Variants in DCAF1 observed in about 807,000 individuals in gnomAD.
The protein encoded by DCAF1 is DDB1- and CUL4-associated factor 1.
Under a neutral mutation model 128.0 loss-of-function variants are expected in DCAF1, and 15 were observed. That is an observed-to-expected ratio of 0.12 (90% CI 0.08 to 0.18). The LOEUF (loss-of-function observed/expected upper bound fraction) is 0.18. DCAF1 is among the 10% of genes least tolerant of loss of function. The pLI is 1.00. For synonymous variants in DCAF1, 610 were observed against 603.0 expected, an observed-to-expected ratio of 1.01 and a Z score of -0.17; for missense variants, 988 against 1,649.5, an observed-to-expected ratio of 0.60 and a Z score of 6.95.
chr3:51,421,113 C>G (rs1212926028), intron 14 of DCAF1, 116 bp from the exon 15 acceptor site: 2 of 1,264,932 alleles, frequency 1.6e-6, no homozygotes, highest in Middle Eastern at 2.1e-4. Flanking sequence ...AACTATATTA[C>G]TTTTGTAAAA....
At chr3:51,404,305 C>T (rs1256666837) in intron 23 of DCAF1, among the ~76,000 whole-genome samples, 1 of 152,200 alleles carries the variant, frequency 6.6e-6, no homozygotes. Flanking sequence ...GCAAAGGATT[C>T]TAATTGTTAC....
At chr3:51,501,308 A>G (rs1708796542), upstream of DCAF1, among the ~76,000 whole-genome samples, 1 of 152,184 alleles carries the variant, frequency 6.6e-6, no homozygotes, top group Non-Finnish European at 1.5e-5. Context: ...CGACTTGCCC[A>G]GCATCACACA....
At chr3:51,500,551 G>T (rs1239246578), upstream of DCAF1, among the ~76,000 whole-genome samples, 2 of 151,906 alleles carry the variant, frequency 1.3e-5, no homozygotes, top group African/African-American at 4.8e-5. Context: ...GTTTTGTTTT[G>T]TTTTTTTGAG....
intron 3 of DCAF1, 51 bp downstream of exon 3, chr3:51,483,668 G>A: frequency 8.7e-7 from 1 of 1,153,000 alleles, no homozygotes; most frequent in Non-Finnish European, 1.3e-6. Context: ...TAGCGTATGA[G>A]TTGTGTCCGA....
chr3:51,448,957 G>T (rs1019334747), intron 6 of DCAF1, among the ~76,000 whole-genome samples: 1 of 151,558 alleles, frequency 6.6e-6, no homozygotes, highest in African/African-American at 2.4e-5. Context: ...TAGGCCACAA[G>T]TCTTAATAAA....
chr3:51,453,177 G>C (rs782780524), intron 6 of DCAF1, among the ~76,000 whole-genome samples: 90 of 152,226 alleles, frequency 5.9e-4, no homozygotes, highest in East Asian at 5.8e-4. Context: ...GGAGATTTTA[G>C]TCTATAAATG....
chr3:51,448,787 A>T (rs1385129857), intron 6 of DCAF1, among the ~76,000 whole-genome samples: 7 of 152,224 alleles, frequency 4.6e-5, no homozygotes, highest in African/African-American at 1.7e-4. Context: ...AAGATCAATA[A>T]GGAAACAGAG....
chr3:51,456,579 A>C (rs555825423), intron 6 of DCAF1, among the ~76,000 whole-genome samples: 1 of 152,314 alleles, frequency 6.6e-6, no homozygotes, highest in East Asian at 1.9e-4. Context: ...TTCTCCCAGC[A>C]TGCAGCTTGA....
At chr3:51,425,520 T>C (rs534873011) in intron 13 of DCAF1, among the ~76,000 whole-genome samples, 208 of 150,656 alleles carry the variant, frequency 1.4e-3, no homozygotes, top group Non-Finnish European at 2.4e-3. Context: ...GTTTAAAAAA[T>C]GTATTTATAC....
Position 51,449,755 on chromosome 3 carries a change from C to T in DCAF1, c.376-5852G>A, listed in dbSNP as rs560606715. 1.3e-5 allele frequency among the ~76,000 whole-genome samples: 2 copies of T among 152,002 alleles called. 1 individual carries two copies. The highest frequency in any genetic ancestry group is 3.8e-4 in the East Asian group (2 of 5,196). On this transcript the variant is annotated intron_variant, in intron 6 of 24. Coordinates refer to ENST00000684031, the MANE Select transcript of DCAF1 (RefSeq NM_001387579.1). ...CAAAATTGACAAACTTTTGGCAAGA[C>T]AGGTCAAGAATAAAAGAGAGGACTC...
chr3:51,474,358 C>T (rs1176452051), intron 3 of DCAF1, among the ~76,000 whole-genome samples: 1 of 151,976 alleles, frequency 6.6e-6, no homozygotes, highest in Non-Finnish European at 1.5e-5. Flanking sequence ...AGGCGGAGGT[C>T]GCGGTGAGCC....
intron 6 of DCAF1, among the ~76,000 whole-genome samples, chr3:51,447,280 C>T (rs939062654): frequency 6.6e-6 from 1 of 151,732 alleles, no homozygotes; most frequent in East Asian, 2.0e-4. Context: ...TACAGAGGCG[C>T]GTGCTTGTAG....
At chr3:51,473,423 G>C (rs1553649152) in intron 3 of DCAF1, among the ~76,000 whole-genome samples, 1 of 109,576 alleles carries the variant, frequency 9.1e-6, no homozygotes, top group Admixed American at 1.2e-4. Context: ...ATACTTTCTA[G>C]TCTTTTTTTT....
chr3:51,459,430 A>G (rs1703294459), intron 6 of DCAF1, among the ~76,000 whole-genome samples: 1 of 152,182 alleles, frequency 6.6e-6, no homozygotes, highest in African/African-American at 2.4e-5. Context: ...TTACCAACCA[A>G]AAAAAGTCCA....
In DCAF1 at chr3:51,412,405, C is replaced by G. The variant is rs967125151; in HGVS notation, c.4186G>C (p.Glu1396Gln). The change falls in exon 23 of 25, where the codon GAG (glutamate) becomes CAG (glutamine). Residue 1396 changes from glutamate (E) to glutamine (Q), a missense_variant. This residue lies in a region of DCAF1 where 97 missense variants were observed against 134.5 expected (regional missense o/e 0.72). Coordinates refer to ENST00000684031, the MANE Select transcript of DCAF1 (RefSeq NM_001387579.1). The stretch of plus-strand genomic sequence containing the variant: ...TGGTCCTCCTCTTCATCCTCATCCT[C>G]TGCCAGACGCTGCCTGCCCACTTCA... Reference protein sequence around the residue: ...LYEVGRQRLAEDEDEEEDQEE... With the variant: ...LYEVGRQRLAQDEDEEEDQEE... 1.2e-6 allele frequency: 2 copies of G among 1,613,976 alleles called. No homozygotes were observed. Among genetic ancestry groups the G allele is most frequent in the Non-Finnish European group, 1.7e-6 (2 of 1,179,874 alleles).
chr3:51,420,140 C>A lies in DCAF1; in HGVS notation c.2830G>T (p.Gly944Cys), dbSNP rs528338591. Residue 944 changes from glycine to cysteine, a missense_variant, in exon 15 of 25, where the codon GGC (glycine) becomes TGC (cysteine). Coordinates refer to ENST00000684031, the MANE Select transcript of DCAF1 (RefSeq NM_001387579.1). This position sits in a 1 kb window ranked among gnomAD's most constrained non-coding sequence, Gnocchi z 6.5. ...RPPQGPLALPGPSYAGNSPLI... is the reference protein window; with the variant it reads ...RPPQGPLALPCPSYAGNSPLI... ...GGGGAGTTGCCTGCATAAGATGGGC[C>A]GGGCAGAGCTAGCGGACCCTGGGGG... The A allele has an allele frequency of 1.9e-6, 3 of 1,613,822 alleles. No homozygotes were observed. Among genetic ancestry groups the A allele is most frequent in the Admixed American group, 1.7e-5 (1 of 59,986 alleles).
Position 51,483,803 on chromosome 3 carries a change from TCCA to T in DCAF1, c.23_25del (p.Val8del). 6.2e-7 allele frequency: 1 copy of T among 1,613,644 alleles called. No homozygotes were observed. ...CAGGGTAGTGAGCTCAGCTTTGGAG[TCCA>T]CATGTACCACTACTGTAGTCATGGC... On this transcript the variant is annotated inframe_deletion, in exon 3 of 25. Coordinates refer to ENST00000684031, the MANE Select transcript of DCAF1 (RefSeq NM_001387579.1).
At chr3:51,461,228 A>C (rs1703523492) in intron 6 of DCAF1, among the ~76,000 whole-genome samples, 2 of 152,134 alleles carry the variant, frequency 1.3e-5, no homozygotes, top group African/African-American at 2.4e-5. Context: ...AAAAACAAAC[A>C]ACCCCATCAA....
chr3:51,438,122 G>GTTA (rs1553637524), intron 9 of DCAF1: 3 of 412,220 alleles, frequency 7.3e-6, no homozygotes, highest in Admixed American at 6.8e-5. Context: ...GTTTGGTGTG[G>GTTA]TTATGCATTT....
Sources: allele counts gnomAD v4.1 joint callset (sites outside exome capture counted in the v4.1 genomes callset), GRCh38; gene constraint gnomAD v4.1.1; regional missense constraint gnomAD v4.1.1; non-coding constraint Gnocchi (gnomAD v3.1); transcripts MANE v1.5; gene names NCBI Gene and HGNC (gene_info 2026-07-23, HGNC 2026-07-21).